Variants in SLC20A2 observed in about 807,000 individuals in gnomAD.
SLC20A2 encodes sodium-dependent phosphate transporter 2.
SLC20A2 carries 30 observed loss-of-function variants against 61.0 expected under a neutral mutation model. The ratio of observed to expected loss-of-function variants is 0.49; its 90% confidence interval spans 0.37 to 0.67. The LOEUF is 0.67. Ranked by LOEUF, SLC20A2 falls within the 30% of genes least tolerant of loss-of-function variation. The probability of loss-of-function intolerance (pLI) is 0.00; values close to 1 mark genes in which losing one functional copy is unlikely to be tolerated. For missense variants in SLC20A2, 626 were observed against 866.4 expected (o/e 0.72, Z 3.48); for synonymous variants, 351 against 353.3 (o/e 0.99, Z 0.07).
At chr8:42,465,999 TAAC>T in intron 2 of SLC20A2, 82 bp from the exon 3 acceptor site, 3 of 1,229,732 alleles carry the variant, frequency 2.4e-6, no homozygotes, top group Non-Finnish European at 1.1e-6. Context: ...ATGTTTTCCA[TAAC>T]AACATCTCCC....
intron 1 of SLC20A2, among the ~76,000 whole-genome samples, chr8:42,533,541 A>AGGAGGT (rs1401445549): frequency 6.6e-6 from 1 of 151,954 alleles, no homozygotes; most frequent in Non-Finnish European, 1.5e-5. Flanking sequence ...GCTTGAGCCC[A>AGGAGGT]GGAGGTGGAG....
intron 1 of SLC20A2, among the ~76,000 whole-genome samples, chr8:42,489,879 C>A (rs1233689839): frequency 6.6e-6 from 1 of 152,092 alleles, no homozygotes; most frequent in African/African-American, 2.4e-5. Context: ...CAAGAGTGGC[C>A]TTCGGGGAGC....
chr8:42,445,658 C>A (rs60517682), intron 5 of SLC20A2, among the ~76,000 whole-genome samples: 33 of 151,944 alleles, frequency 2.2e-4, no homozygotes, highest in African/African-American at 8.0e-4. Context: ...GCCTGGGAGG[C>A]GGAGGTTGCA....
intron 1 of SLC20A2, among the ~76,000 whole-genome samples, chr8:42,526,490 A>G (rs960588227): frequency 4.6e-5 from 7 of 151,952 alleles, no homozygotes; most frequent in East Asian, 3.9e-4. Context: ...TGGCTAACAC[A>G]GTGAAACCCC....
intron 10 of SLC20A2, among the ~76,000 whole-genome samples, chr8:42,424,600 TCAAA>T (rs1004618035): frequency 6.6e-6 from 1 of 152,194 alleles, no homozygotes; most frequent in Non-Finnish European, 1.5e-5. Context: ...GTGTAACTCA[TCAAA>T]CAGACTGCCT....
chr8:42,438,078 A>AAAAAAAAAAAAAAAAAC (rs1804475888), intron 7 of SLC20A2, among the ~76,000 whole-genome samples: 1 of 146,250 alleles, frequency 6.8e-6, no homozygotes, highest in Non-Finnish European at 1.5e-5. Flanking sequence ...AAAAAAAAAA[A>AAAAAAAAAAAAAAAAAC]AAAAAAAAAA....
chr8:42,535,455 T>C (rs1210133508), intron 1 of SLC20A2: 2 of 152,212 alleles, frequency 1.3e-5, no homozygotes, highest in Non-Finnish European at 2.9e-5. Flanking sequence ...ATAAGAAATT[T>C]TAATGTTTCA....
At chr8:42,464,297 T>G (rs1214314760) in intron 3 of SLC20A2, among the ~76,000 whole-genome samples, 21 of 149,566 alleles carry the variant, frequency 1.4e-4, no homozygotes, top group Non-Finnish European at 2.5e-4. Flanking sequence ...TTTTTTTTTT[T>G]TTGTTGTAAA....
At chr8:42,418,009 A>G in intron 10 of SLC20A2, 42 bp from the exon 11 acceptor site, 1 of 1,580,668 alleles carries the variant, frequency 6.3e-7, no homozygotes, top group Non-Finnish European at 8.6e-7. Context: ...GGTGAGCCAC[A>G]AAGGCTACAC....
At chr8:42,421,575 C>A (rs572779858) in intron 10 of SLC20A2, among the ~76,000 whole-genome samples, 18 of 152,056 alleles carry the variant, frequency 1.2e-4, no homozygotes, top group Non-Finnish European at 2.1e-4. Flanking sequence ...GAGGCCGAGG[C>A]GGGCAGATCA....
At chr8:42,530,068 C>A (rs773479191) in intron 1 of SLC20A2, among the ~76,000 whole-genome samples, 22 of 152,090 alleles carry the variant, frequency 1.4e-4, no homozygotes, top group Non-Finnish European at 2.5e-4. Flanking sequence ...CAAGTTTAAT[C>A]ATGCAATGAG....
intron 2 of SLC20A2, among the ~76,000 whole-genome samples, chr8:42,468,688 C>A (rs1024265243): frequency 6.7e-6 from 1 of 149,202 alleles, no homozygotes; most frequent in East Asian, 2.0e-4. Flanking sequence ...CCGCCATTCC[C>A]GTGCAGATGA....
At chr8:42,462,815 G>T (rs1235836919) in intron 4 of SLC20A2, among the ~76,000 whole-genome samples, 190 bp downstream of exon 4, 1 of 152,072 alleles carries the variant, frequency 6.6e-6, no homozygotes, top group East Asian at 1.9e-4. Flanking sequence ...TTGTTTCTGG[G>T]GGACTCTCTG....
At chr8:42,442,860 T>C (rs1804884112) in intron 6 of SLC20A2, among the ~76,000 whole-genome samples, 1 of 152,202 alleles carries the variant, frequency 6.6e-6, no homozygotes, top group African/African-American at 2.4e-5. Context: ...AAAAAGTGAA[T>C]TTCCAAATGC....
At chr8:42,473,747 CTTA>C (rs1344569431) in intron 1 of SLC20A2, among the ~76,000 whole-genome samples, 1 of 152,098 alleles carries the variant, frequency 6.6e-6, no homozygotes, top group East Asian at 1.9e-4. Flanking sequence ...CATATAAATG[CTTA>C]TTGAGTTGAA....
chr8:42,497,414 C>G (rs945351609), intron 1 of SLC20A2, among the ~76,000 whole-genome samples: 1 of 152,234 alleles, frequency 6.6e-6, no homozygotes. Flanking sequence ...TTTTCTGATT[C>G]AGCAGGGCCT....
intron 10 of SLC20A2, among the ~76,000 whole-genome samples, chr8:42,427,794 GAATCTTAA>G (rs1401259578): frequency 3.3e-5 from 5 of 152,126 alleles, no homozygotes; most frequent in Non-Finnish European, 7.4e-5. Flanking sequence ...ATACTGGCTG[GAATCTTAA>G]AATTGTGAGT....
At chr8:42,477,639 T>A (rs1005703239) in intron 1 of SLC20A2, among the ~76,000 whole-genome samples, 2 of 151,002 alleles carry the variant, frequency 1.3e-5, no homozygotes, top group Non-Finnish European at 3.0e-5. Context: ...TCCAGCTAAT[T>A]TTTGTATTTT....
At chr8:42,507,739 A>G (rs1051911425) in intron 1 of SLC20A2, among the ~76,000 whole-genome samples, 14 of 152,244 alleles carry the variant, frequency 9.2e-5, no homozygotes, top group Admixed American at 8.5e-4. Flanking sequence ...TCATAATGTG[A>G]TGAGTCATGA....
Sources: allele counts gnomAD v4.1 joint callset (sites outside exome capture counted in the v4.1 genomes callset), GRCh38; gene constraint gnomAD v4.1.1; transcripts MANE v1.5; gene names NCBI Gene and HGNC (gene_info 2026-07-23, HGNC 2026-07-21).